Variants in METAP1D observed in about 807,000 individuals in gnomAD.
METAP1D encodes the protein methionyl aminopeptidase type 1D, mitochondrial.
A neutral mutation model predicts 40.5 loss-of-function variants in METAP1D; 31 were observed. The ratio of observed to expected loss-of-function variants is 0.77; its 90% CI spans 0.58 to 1.03. The LOEUF is 1.03. Among genes scored for constraint, METAP1D ranks in the 50% least tolerant of loss-of-function variants. The probability of loss-of-function intolerance (pLI) is 0.00; values close to 1 mark genes in which losing one functional copy is unlikely to be tolerated. For missense variants in METAP1D, 411 were observed against 420.7 expected (o/e 0.98, Z 0.20); for synonymous variants, 151 against 146.4 (o/e 1.03, Z -0.22).
chr2:172,068,002 A>G (rs1410191186), intron 5 of METAP1D, among the ~76,000 whole-genome samples: 1 of 152,252 alleles, frequency 6.6e-6, no homozygotes, highest in Non-Finnish European at 1.5e-5. Flanking sequence ...ACAAGAAATT[A>G]GATTTCCTTC....
intron 1 of METAP1D, among the ~76,000 whole-genome samples, chr2:172,007,131 C>T (rs1276351034): frequency 6.8e-6 from 1 of 147,386 alleles, no homozygotes; most frequent in African/African-American, 2.5e-5. Context: ...TTTTATTGTA[C>T]ATTACGTTTT....
At chr2:172,020,615 C>T (rs543533658) in intron 1 of METAP1D, among the ~76,000 whole-genome samples, 16 of 152,300 alleles carry the variant, frequency 1.1e-4, no homozygotes, top group African/African-American at 1.4e-4. Context: ...ATTGGGAGTA[C>T]ATCAACACAG....
intron 1 of METAP1D, among the ~76,000 whole-genome samples, chr2:172,059,677 C>T (rs1429786344): frequency 6.6e-6 from 1 of 152,164 alleles, no homozygotes; most frequent in Non-Finnish European, 1.5e-5. Flanking sequence ...TGTATAAAAA[C>T]AGTCAGCAGT....
chr2:172,079,236 T>C lies in METAP1D; in HGVS notation c.824T>C (p.Met275Thr), dbSNP rs760084172. The change falls in exon 8 of 10, where the codon ATG becomes ACG. Residue 275 changes from methionine to threonine, a missense_variant. Met to Thr is a moderately conservative substitution (Grantham distance 81). Transcript: ENST00000315796. ...WHHANDSDLP[M>T]EEGMAFTIEP... ...GCAGCAAACGACAGTGATCTACCCA[T>C]GGAGGAGGGCATGGCATTCACTATA... is the stretch of plus-strand genomic sequence containing the variant. 1.2e-6 allele frequency: 2 copies of C among 1,614,084 alleles called. No homozygotes were observed. The highest frequency in any genetic ancestry group is 2.2e-5 in the East Asian group (1 of 44,870).
intron 1 of METAP1D, among the ~76,000 whole-genome samples, chr2:172,041,189 G>A (rs910860195): frequency 2.6e-5 from 4 of 151,898 alleles, no homozygotes; most frequent in Admixed American, 2.0e-4. Context: ...GGCTGGATGC[G>A]GTGGCTCATT....
rs185354797 is a variant in METAP1D, at chr2:172,005,378, T to C, written c.40+5369T>C. On this transcript the variant is annotated intron_variant, in intron 1 of 9. Transcript: ENST00000315796. The stretch of plus-strand genomic sequence containing the variant: ...ATCCTCATAGCTTAGCTCCCACTTA[T>C]AAGTGAGAACATACAGTATTTGGTT... Among the ~76,000 whole-genome samples the C allele has an allele frequency of 3.6e-3, 545 of 151,870 alleles. 4 individuals are homozygous for C. Among genetic ancestry groups the C allele is most frequent in the African/African-American group, 0.013 (519 of 41,486 alleles).
rs1273069042 is a variant in METAP1D at position 172,041,726 on chromosome 2, T to TTTATATATATA, written c.41-19771_41-19770insTATATATATAT. On this transcript the variant is annotated intron_variant, in intron 1 of 9. Coordinates refer to ENST00000315796, the MANE Select transcript of METAP1D (RefSeq NM_199227.3). ...TTTTAATTTCCTTACTCTAATTATTTTATATATATATATATATATATATAT... is the reference window on the plus strand; with the variant it reads ...TTTTAATTTCCTTACTCTAATTATTTTTATATATATATATATATATATATATATATATATAT... Among the ~76,000 whole-genome samples, 248 of 37,562 alleles carry TTTATATATATA rather than the reference T, an allele frequency of 6.6e-3. 25 individuals carry two copies. Among genetic ancestry groups the TTTATATATATA allele is most frequent in the Non-Finnish European group, 0.013 (204 of 15,588 alleles). The allele number at this position is 37,562 out of a possible 152,430, so 24.6% of individuals were successfully genotyped here. A position where few individuals can be genotyped will look rare whatever the true frequency, so the allele number is the denominator to read the frequency against.
intron 5 of METAP1D, among the ~76,000 whole-genome samples, chr2:172,068,858 G>GTTCCTCCT (rs1690352988): frequency 1.3e-5 from 2 of 150,256 alleles, no homozygotes; most frequent in Admixed American, 6.6e-5. Context: ...TCCTTCCTTC[G>GTTCCTCCT]TTCCTCCCTT....
At chr2:172,036,302 G>A (rs1161325209) in intron 1 of METAP1D, among the ~76,000 whole-genome samples, 1 of 140,784 alleles carries the variant, frequency 7.1e-6, no homozygotes, top group African/African-American at 2.7e-5. Context: ...GGGCGACAGA[G>A]CGAGACTCTG....
At chr2:172,069,318 A>G (rs1476831159) in intron 5 of METAP1D, among the ~76,000 whole-genome samples, 1 of 152,232 alleles carries the variant, frequency 6.6e-6, no homozygotes, top group Non-Finnish European at 1.5e-5. Context: ...ACATTCATTT[A>G]TACATTTTCT....
At chr2:172,047,714 C>T (rs1348142440) in intron 1 of METAP1D, among the ~76,000 whole-genome samples, 2 of 152,160 alleles carry the variant, frequency 1.3e-5, no homozygotes, top group South Asian at 2.1e-4. Context: ...AGATTATAGG[C>T]GTGAGCCACT....
chr2:172,024,651 C>T (rs891929740), intron 1 of METAP1D, among the ~76,000 whole-genome samples: 1 of 152,004 alleles, frequency 6.6e-6, no homozygotes, highest in Admixed American at 6.6e-5. Context: ...GGTTTTCAGC[C>T]AAATCCCCAG....
chr2:172,057,032 G>C (rs1379731081), intron 1 of METAP1D, among the ~76,000 whole-genome samples: 1 of 152,136 alleles, frequency 6.6e-6, no homozygotes, highest in Non-Finnish European at 1.5e-5. Context: ...ACACACTAGC[G>C]AATAGAACTC....
chr2:172,015,451 T>C (rs910233207), intron 1 of METAP1D, among the ~76,000 whole-genome samples: 4 of 152,014 alleles, frequency 2.6e-5, no homozygotes, highest in African/African-American at 9.7e-5. Flanking sequence ...GCCAAAGATT[T>C]AGGTTCAAGA....
intron 1 of METAP1D, among the ~76,000 whole-genome samples, chr2:172,042,081 A>G (rs1689545485): frequency 8.0e-6 from 1 of 125,524 alleles, no homozygotes; most frequent in Admixed American, 8.1e-5. Context: ...GATTACAGGC[A>G]TAAGCCACTG....
chr2:172,059,908 G>A (rs775611891), intron 1 of METAP1D, among the ~76,000 whole-genome samples: 13 of 152,050 alleles, frequency 8.5e-5, no homozygotes, highest in African/African-American at 2.4e-4. Flanking sequence ...AAAATTAGCC[G>A]GGCCTGGTGG....
chr2:172,048,437 T>C lies in METAP1D; in HGVS notation c.41-13061T>C, dbSNP rs58307718. On this transcript the variant is annotated intron_variant, in intron 1 of 9. Coordinates refer to ENST00000315796, the MANE Select transcript of METAP1D (RefSeq NM_199227.3). Reference sequence around the variant, plus strand: ...CAACCCTGTGAGGAAGGTATTATTATCCACATTAACAAATGAAGAAACTAA... The same window carrying C: ...CAACCCTGTGAGGAAGGTATTATTACCCACATTAACAAATGAAGAAACTAA... 1.3e-3 allele frequency among the ~76,000 whole-genome samples: 194 copies of C among 152,318 alleles called. 1 individual carries two copies. Among genetic ancestry groups the C allele is most frequent in the African/African-American group, 4.4e-3 (181 of 41,562 alleles).
At chr2:172,059,173 ATCTTGGC>A (rs1690072338) in intron 1 of METAP1D, among the ~76,000 whole-genome samples, 2 of 147,696 alleles carry the variant, frequency 1.4e-5, no homozygotes, top group South Asian at 4.3e-4. Context: ...CAGTGGCGCG[ATCTTGGC>A]TCACTGCACC....
chr2:172,009,520 T>C (rs1446151418), intron 1 of METAP1D, among the ~76,000 whole-genome samples: 1 of 151,140 alleles, frequency 6.6e-6, no homozygotes, highest in Non-Finnish European at 1.5e-5. Context: ...GTGTATCTAC[T>C]TCTTTAATTT....
Sources: allele counts gnomAD v4.1 joint callset (sites outside exome capture counted in the v4.1 genomes callset), GRCh38; gene constraint gnomAD v4.1.1; transcripts MANE v1.5; gene names NCBI Gene and HGNC (gene_info 2026-07-23, HGNC 2026-07-21).